The following FTO variants were observed in gnomAD, a reference collection of about 807,000 sequenced individuals.
FTO encodes the protein FTO alpha-ketoglutarate dependent dioxygenase.
FTO carries 47 observed loss-of-function variants against 63.9 expected under a neutral mutation model. The observed-to-expected ratio is 0.74, with a 90% CI of 0.58 to 0.94. The LOEUF (loss-of-function observed/expected upper bound fraction) is 0.94, where lower values mean the gene tolerates loss of function less well. Ranked by LOEUF, FTO falls within the 40% of genes least tolerant of loss-of-function variation. FTO has a pLI of 0.00. For synonymous variants in FTO, 207 were observed against 224.4 expected (o/e 0.92, Z 0.69); for missense variants, 562 against 618.1 (o/e 0.91, Z 0.96).
chr16:53,997,158 G>T (rs1472232139), intron 8 of FTO, among the ~76,000 whole-genome samples: 1 of 138,364 alleles, frequency 7.2e-6, no homozygotes, highest in East Asian at 2.4e-4. Context: ...GAGAGAGAGA[G>T]AGAGAAAAGA....
chr16:54,097,141 A>G (rs708245), intron 8 of FTO, among the ~76,000 whole-genome samples: 14,464 of 152,028 alleles, frequency 0.095, 2,021 homozygotes, highest in African/African-American at 0.3. Context: ...AGATGGGAAG[A>G]CCTTTAGGGA....
At chr16:53,839,802 T>A (rs1567346996) in intron 3 of FTO, among the ~76,000 whole-genome samples, 8 of 106,644 alleles carry the variant, frequency 7.5e-5, no homozygotes, top group Admixed American at 3.2e-4. Flanking sequence ...TTTATTTATT[T>A]ATTTATTTAT....
intron 8 of FTO, among the ~76,000 whole-genome samples, chr16:53,942,315 G>A (rs2082549194): frequency 6.6e-6 from 1 of 152,178 alleles, no homozygotes; most frequent in Admixed American, 6.5e-5. Context: ...AAAGAGGGAT[G>A]CCATGTGCAC....
intron 8 of FTO, chr16:54,072,037 A>G (rs561485808): frequency 6.6e-6 from 1 of 152,254 alleles, no homozygotes; most frequent in South Asian, 2.1e-4. Flanking sequence ...ATCATAGACT[A>G]ATTTTCCCAT....
intron 8 of FTO, among the ~76,000 whole-genome samples, chr16:53,940,704 T>C (rs999705599): frequency 3.3e-5 from 5 of 152,230 alleles, no homozygotes; most frequent in Non-Finnish European, 7.3e-5. Context: ...TTTCAACTAA[T>C]GTTTATGGAA....
chr16:54,089,045 G>A (rs559895717), intron 8 of FTO, among the ~76,000 whole-genome samples: 1 of 152,246 alleles, frequency 6.6e-6, no homozygotes, highest in East Asian at 1.9e-4. Context: ...AAGGTTTGAG[G>A]GCGAATTCCG....
intron 8 of FTO, among the ~76,000 whole-genome samples, chr16:54,111,050 A>G (rs2086872463): frequency 6.6e-6 from 1 of 152,204 alleles, no homozygotes; most frequent in African/African-American, 2.4e-5. Flanking sequence ...GCTTCATATG[A>G]TAATTAATTT....
At chr16:53,717,015 GTATAT>G (rs1370292381) in intron 1 of FTO, among the ~76,000 whole-genome samples, 3 of 151,264 alleles carry the variant, frequency 2.0e-5, no homozygotes, top group East Asian at 1.9e-4. Context: ...TTACCATCCA[GTATAT>G]TATATTTTTT....
At chr16:53,725,849 T>C (rs1299318200) in intron 1 of FTO, among the ~76,000 whole-genome samples, 1 of 152,212 alleles carries the variant, frequency 6.6e-6, no homozygotes, top group African/African-American at 2.4e-5. Flanking sequence ...CTGTGTCTGA[T>C]GAGGGCCACT....
intron 8 of FTO, among the ~76,000 whole-genome samples, chr16:53,960,386 T>C (rs888239249): frequency 1.3e-5 from 2 of 152,178 alleles, no homozygotes; most frequent in Non-Finnish European, 2.9e-5. Context: ...ACTGGTGCAA[T>C]GGTATCGTTG....
intron 8 of FTO, chr16:53,956,557 G>A (rs1223952392): frequency 6.6e-6 from 1 of 152,042 alleles, no homozygotes; most frequent in Non-Finnish European, 1.5e-5. Context: ...GAAGACTATT[G>A]CAATTAGAAC....
At chr16:54,014,741 T>C (rs2084396638) in intron 8 of FTO, among the ~76,000 whole-genome samples, 1 of 152,040 alleles carries the variant, frequency 6.6e-6, no homozygotes, top group Admixed American at 6.6e-5. Flanking sequence ...CATTCTCATG[T>C]CATTTGCACA....
chr16:53,750,804 A>G (rs768835271), intron 1 of FTO, among the ~76,000 whole-genome samples: 13 of 152,236 alleles, frequency 8.5e-5, no homozygotes, highest in Non-Finnish European at 1.6e-4. Context: ...AGCATGGTAC[A>G]TGGCAACACA....
chr16:53,899,382 C>T (rs1056518088), intron 7 of FTO, among the ~76,000 whole-genome samples: 1 of 152,044 alleles, frequency 6.6e-6, no homozygotes, highest in African/African-American at 2.4e-5. Flanking sequence ...TAAATTGTCA[C>T]AAAATTAAAT....
intron 3 of FTO, among the ~76,000 whole-genome samples, chr16:53,828,919 G>A (rs4784325): frequency 0.77 from 116,851 of 152,094 alleles, 44,997 homozygotes; most frequent in African/African-American, 0.82. Context: ...GAGACAGAGT[G>A]TTGCTCTATC....
chr16:54,074,585 C>T (rs1258155413), intron 8 of FTO, among the ~76,000 whole-genome samples: 2 of 152,020 alleles, frequency 1.3e-5, no homozygotes, highest in Non-Finnish European at 2.9e-5. Context: ...ACTAGAATTC[C>T]CTTGTATGGA....
intron 8 of FTO, among the ~76,000 whole-genome samples, chr16:54,034,722 T>C: frequency 6.6e-6 from 1 of 152,228 alleles, no homozygotes; most frequent in East Asian, 1.9e-4. Context: ...AACTATACTT[T>C]CCTACAATCA....
At chr16:54,011,573 A>G (rs1449587763) in intron 8 of FTO, among the ~76,000 whole-genome samples, 1 of 152,230 alleles carries the variant, frequency 6.6e-6, no homozygotes, top group Non-Finnish European at 1.5e-5. Flanking sequence ...TTACAAACTG[A>G]AAGTTTGTAG....
chr16:53,732,050 T>A (rs1179548675), intron 1 of FTO, among the ~76,000 whole-genome samples: 6 of 138,646 alleles, frequency 4.3e-5, no homozygotes, highest in Admixed American at 7.2e-5. Context: ...TATTTTTTTT[T>A]TTTTTTTTTT....
Sources: gnomAD v4.1 joint callset for allele counts (sites outside exome capture counted in the v4.1 genomes callset) on GRCh38, gnomAD v4.1.1 for gene constraint, MANE v1.5 for transcripts, NCBI Gene and HGNC (gene_info 2026-07-23, HGNC 2026-07-21) for gene names.